Variants in C9orf85 observed in about 807,000 individuals in gnomAD.
The protein encoded by C9orf85 is uncharacterized protein C9orf85.
C9orf85 carries 16 observed loss-of-function variants against 14.9 expected under a neutral mutation model. The ratio of observed to expected loss-of-function variants is 1.08; its 90% CI spans 0.73 to 1.63. The LOEUF (loss-of-function observed/expected upper bound fraction) is 1.63. Among genes scored for constraint, C9orf85 ranks in the 40% most tolerant of loss-of-function variants. C9orf85 has a pLI of 0.00. For synonymous variants in C9orf85, 45 were observed against 56.8 expected (o/e 0.79, Z 0.93); for missense variants, 172 against 186.1 (o/e 0.92, Z 0.44).
chr9:71,936,677 T>C (rs571766451), intron 1 of C9orf85, among the ~76,000 whole-genome samples: 1 of 152,238 alleles, frequency 6.6e-6, no homozygotes, highest in Admixed American at 6.5e-5. Context: ...TTGTAGATCC[T>C]TTCTTAAAAA....
rs66907913 is a variant in C9orf85 at position 71,936,458 on chromosome 9, C to CT, written c.103-10538dup. 2.4e-4 allele frequency among the ~76,000 whole-genome samples: 36 copies of CT among 150,942 alleles called. No homozygotes were observed. The East Asian group carries it at 2.7e-3, about 11-fold the overall frequency. ...AAGTATTACCCTACTTGTAGAGAGT[C>CT]TTTTTTTTTTCAGGAAAGACATATT... On this transcript the variant is annotated intron_variant, in intron 1 of 3. Transcript: ENST00000334731.
At chr9:71,969,136 A>G (rs368705301) in intron 2 of C9orf85, among the ~76,000 whole-genome samples, 2 of 152,286 alleles carry the variant, frequency 1.3e-5, no homozygotes, top group East Asian at 1.9e-4. Context: ...AGAACTGAAC[A>G]TACTGACATA....
At chr9:71,951,103 TTTTTC>T (rs2132316890) in intron 2 of C9orf85, among the ~76,000 whole-genome samples, 1 of 152,318 alleles carries the variant, frequency 6.6e-6, no homozygotes, top group Non-Finnish European at 1.5e-5. Context: ...CATGTTTCTC[TTTTTC>T]TTTTTTCAGT....
downstream of C9orf85, among the ~76,000 whole-genome samples, chr9:71,976,608 G>A (rs918113477): frequency 2.0e-5 from 3 of 150,958 alleles, no homozygotes; most frequent in East Asian, 5.8e-4. Flanking sequence ...CTTACAGTGA[G>A]CCGAGATCGC....
At chr9:71,931,575 G>A (rs10123890) in intron 1 of C9orf85, among the ~76,000 whole-genome samples, 145,649 of 152,256 alleles carry the variant, frequency 0.96, 70,027 homozygotes, top group East Asian at 1. Flanking sequence ...AGTCAGAGGC[G>A]TGGCCTTGAG....
At chr9:71,928,526 C>G (rs1275252401) in intron 1 of C9orf85, among the ~76,000 whole-genome samples, 3 of 152,130 alleles carry the variant, frequency 2.0e-5, no homozygotes, top group African/African-American at 7.2e-5. Flanking sequence ...ATGATACAGA[C>G]TGTACTTAAT....
At chr9:71,924,734 A>C (rs1346508452) in intron 1 of C9orf85, among the ~76,000 whole-genome samples, 1 of 152,216 alleles carries the variant, frequency 6.6e-6, no homozygotes, top group Non-Finnish European at 1.5e-5. Flanking sequence ...GAAGTCATCA[A>C]TTTGAGTAAT....
At chr9:71,957,740 C>T (rs974875424) in intron 2 of C9orf85, among the ~76,000 whole-genome samples, 1 of 152,120 alleles carries the variant, frequency 6.6e-6, no homozygotes, top group African/African-American at 2.4e-5. Flanking sequence ...CTCCCCATTC[C>T]TCATAAACAC....
intron 1 of C9orf85, among the ~76,000 whole-genome samples, chr9:71,914,427 T>C (rs1052038687): frequency 1.3e-5 from 2 of 152,124 alleles, no homozygotes; most frequent in African/African-American, 4.8e-5. Context: ...AGCCAAAAGA[T>C]TGGACACCCC....
intron 3 of C9orf85, among the ~76,000 whole-genome samples, chr9:71,972,095 ATATTTT>A (rs1026705785): frequency 6.5e-4 from 99 of 152,274 alleles, no homozygotes; most frequent in Middle Eastern, 3.4e-3. Context: ...AAGTGAAACT[ATATTTT>A]TAAGAAAATA....
chr9:71,937,185 A>G (rs1828212156), intron 1 of C9orf85, among the ~76,000 whole-genome samples: 1 of 152,242 alleles, frequency 6.6e-6, no homozygotes, highest in East Asian at 1.9e-4. Flanking sequence ...TGAGAAAAAT[A>G]TACTTGGGAA....
rs373413968 is a variant in C9orf85 at position 71,956,313 on chromosome 9, G to A, written c.209+9201G>A. 1.1e-4 allele frequency among the ~76,000 whole-genome samples: 16 copies of A among 139,806 alleles called. 1 individual carries two copies. Among genetic ancestry groups the A allele is most frequent in the Admixed American group, 6.3e-4 (8 of 12,762 alleles). The allele number at this position is 139,806 out of a possible 152,430, so 91.7% of individuals were successfully genotyped here. A position where few individuals can be genotyped will look rare whatever the true frequency, so the allele number is the denominator to read the frequency against. The stretch of plus-strand genomic sequence containing the variant: ...TTGCCCAGGCTGGAGTGTAATGCGC[G>A]ATCTTGGCTCGCCACAACCTCCACC... On this transcript the variant is annotated intron_variant, in intron 2 of 3. Coordinates refer to ENST00000334731, the MANE Select transcript of C9orf85 (RefSeq NM_182505.5).
rs1828288224 is a variant in C9orf85, at chr9:71,939,893, C to G, written c.103-7113C>G. ...TCTGTATATAATTTTAAAAGAACAT[C>G]TACTTGGATTCTGCACTATGTACAA... On this transcript the variant is annotated intron_variant, in intron 1 of 3. Coordinates refer to ENST00000334731, the MANE Select transcript of C9orf85 (RefSeq NM_182505.5). 3.3e-5 allele frequency among the ~76,000 whole-genome samples: 5 copies of G among 152,136 alleles called. No homozygotes were observed. In the South Asian group the frequency reaches 1.0e-3, roughly 31 times the overall value.
chr9:71,962,026 C>T (rs1000591141), intron 2 of C9orf85, among the ~76,000 whole-genome samples: 5 of 151,910 alleles, frequency 3.3e-5, no homozygotes, highest in African/African-American at 1.2e-4. Flanking sequence ...ATTAGCTAGG[C>T]GTGGTGACGT....
intron 3 of C9orf85, among the ~76,000 whole-genome samples, chr9:71,980,483 T>C (rs1823078713): frequency 6.6e-6 from 1 of 152,120 alleles, no homozygotes; most frequent in African/African-American, 2.4e-5. Context: ...AGGACAAAAC[T>C]GACATCCCTT....
chr9:71,927,924 G>A (rs1251276629), intron 1 of C9orf85, among the ~76,000 whole-genome samples: 1 of 152,130 alleles, frequency 6.6e-6, no homozygotes, highest in Non-Finnish European at 1.5e-5. Flanking sequence ...AGTGGCTCAT[G>A]CCTGTAATCC....
At chr9:71,955,060 A>G (rs1001228795) in intron 2 of C9orf85, among the ~76,000 whole-genome samples, 21 of 152,110 alleles carry the variant, frequency 1.4e-4, no homozygotes, top group African/African-American at 5.1e-4. Context: ...ATACCCCTAA[A>G]ATGTTGCTTA....
At chr9:71,951,169 T>C (rs1410036102) in intron 2 of C9orf85, among the ~76,000 whole-genome samples, 3 of 152,218 alleles carry the variant, frequency 2.0e-5, no homozygotes, top group Non-Finnish European at 4.4e-5. Context: ...TGGAATTTTC[T>C]CTCAGTTACT....
chr9:71,977,570 C>T (rs1259983030), downstream of C9orf85, among the ~76,000 whole-genome samples: 4 of 152,184 alleles, frequency 2.6e-5, no homozygotes, highest in Admixed American at 1.3e-4. Flanking sequence ...ATAGATGTCA[C>T]ATTTATGCAA....
Sources: gnomAD v4.1 joint callset for allele counts (sites outside exome capture counted in the v4.1 genomes callset) on GRCh38, gnomAD v4.1.1 for gene constraint, MANE v1.5 for transcripts, NCBI Gene and HGNC (gene_info 2026-07-23, HGNC 2026-07-21) for gene names.